The following NRXN3 variants were observed in gnomAD, a reference collection of about 807,000 sequenced individuals.
NRXN3 encodes neurexin 3, also known as neurexin III.
In NRXN3, 32 loss-of-function variants were observed where a neutral mutation model predicts 137.6. That is an observed-to-expected ratio of 0.23 (90% CI 0.18 to 0.31). The LOEUF is 0.31. NRXN3 is among the 10% of genes least tolerant of loss of function. The pLI, the probability that NRXN3 is intolerant of heterozygous loss-of-function variation, is 1.00. For missense variants in NRXN3, 1,574 were observed against 2,062.5 expected (o/e 0.76, Z 4.59); for synonymous variants, 798 against 784.5 (o/e 1.02, Z -0.29).
chr14:79,700,087 A>G (rs17109775), intron 19 of NRXN3, among the ~76,000 whole-genome samples: 9,034 of 152,086 alleles, frequency 0.059, 331 homozygotes, highest in South Asian at 0.15. Context: ...CCTCATCTTC[A>G]AGCCTAGTCT....
chr14:78,511,157 G>GCAACAA (rs894599691), intron 4 of NRXN3, among the ~76,000 whole-genome samples: 2 of 152,004 alleles, frequency 1.3e-5, no homozygotes, highest in Non-Finnish European at 2.9e-5. Context: ...AACAGCAGCA[G>GCAACAA]CAACAACAAC....
intron 4 of NRXN3, among the ~76,000 whole-genome samples, chr14:78,325,339 A>T (rs2079933741): frequency 6.6e-6 from 1 of 151,996 alleles, no homozygotes; most frequent in South Asian, 2.1e-4. Flanking sequence ...TGATAGGGTC[A>T]GAGGCAGAAG....
At chr14:79,794,378 A>G (rs1219182763) in intron 19 of NRXN3, among the ~76,000 whole-genome samples, 2 of 151,732 alleles carry the variant, frequency 1.3e-5, no homozygotes, top group Non-Finnish European at 2.9e-5. Flanking sequence ...ACAAAAACAA[A>G]CAAACAAACA....
intron 15 of NRXN3, among the ~76,000 whole-genome samples, chr14:79,288,187 C>T (rs2082600431): frequency 6.6e-6 from 1 of 152,188 alleles, no homozygotes; most frequent in African/African-American, 2.4e-5. Context: ...ACCAGAGTGG[C>T]ACACTGTGAT....
chr14:78,353,607 T>C (rs922688595), intron 4 of NRXN3, among the ~76,000 whole-genome samples: 2 of 152,116 alleles, frequency 1.3e-5, no homozygotes, highest in Non-Finnish European at 2.9e-5. Context: ...ATTTAGACCC[T>C]GAGAAAAAAC....
chr14:79,203,990 C>G (rs985416241), intron 15 of NRXN3, among the ~76,000 whole-genome samples: 2 of 152,036 alleles, frequency 1.3e-5, no homozygotes, highest in African/African-American at 4.8e-5. Flanking sequence ...GAGCTACCAT[C>G]ATGGCATCAT....
chr14:79,070,735 C>T (rs2099686586), intron 15 of NRXN3, among the ~76,000 whole-genome samples: 1 of 152,130 alleles, frequency 6.6e-6, no homozygotes, highest in Admixed American at 6.6e-5. Context: ...AAACAAAAAT[C>T]AGTTTTAAAT....
chr14:78,453,707 G>A (rs548401936), intron 4 of NRXN3, among the ~76,000 whole-genome samples: 1 of 152,164 alleles, frequency 6.6e-6, no homozygotes, highest in Non-Finnish European at 1.5e-5. Flanking sequence ...GAGGTCATTA[G>A]GGTGGGCCCT....
chr14:78,532,909 C>T (rs1289619524), intron 4 of NRXN3, among the ~76,000 whole-genome samples: 1 of 152,102 alleles, frequency 6.6e-6, no homozygotes, highest in Non-Finnish European at 1.5e-5. Flanking sequence ...CACTATCTAT[C>T]TCAGCTAGCT....
intron 4 of NRXN3, among the ~76,000 whole-genome samples, chr14:78,541,031 C>G (rs2096584332): frequency 6.6e-6 from 1 of 152,146 alleles, no homozygotes; most frequent in Admixed American, 6.5e-5. Context: ...CTCGGCTTTT[C>G]TCTCTGGCTA....
At chr14:78,494,483 G>A (rs1485364956) in intron 4 of NRXN3, among the ~76,000 whole-genome samples, 7 of 142,334 alleles carry the variant, frequency 4.9e-5, no homozygotes, top group Admixed American at 4.7e-4. Flanking sequence ...GGCAAAAAAT[G>A]TCTGAGTCAC....
At chr14:79,488,419 AGT>A (rs1007502997) in intron 16 of NRXN3, among the ~76,000 whole-genome samples, 11 of 152,230 alleles carry the variant, frequency 7.2e-5, no homozygotes, top group African/African-American at 2.6e-4. Context: ...TGGCAACAAG[AGT>A]GTGTGTGTGT....
At chr14:78,558,158 C>T (rs765232803) in intron 4 of NRXN3, among the ~76,000 whole-genome samples, 62 of 152,174 alleles carry the variant, frequency 4.1e-4, no homozygotes, top group Middle Eastern at 3.2e-3. Flanking sequence ...TTATGTTCAC[C>T]AGCCATTCTT....
At chr14:78,283,400 C>T (rs2074692520) in intron 3 of NRXN3, 1 of 152,058 alleles carries the variant, frequency 6.6e-6, no homozygotes, top group Non-Finnish European at 1.5e-5. Context: ...AGAAGATGAA[C>T]AATTTGTAAG....
At chr14:78,370,692 C>A (rs565759759) in intron 4 of NRXN3, among the ~76,000 whole-genome samples, 70 of 152,160 alleles carry the variant, frequency 4.6e-4, no homozygotes, top group African/African-American at 1.6e-3. Flanking sequence ...ATTGTTATTG[C>A]CATACTAAAT....
intron 4 of NRXN3, among the ~76,000 whole-genome samples, chr14:78,482,184 A>G (rs900701179): frequency 5.9e-5 from 9 of 152,214 alleles, no homozygotes; most frequent in African/African-American, 2.2e-4. Context: ...CAAAGCCCAC[A>G]TAGCTGATAT....
At chr14:78,510,875 A>C (rs1326765449) in intron 4 of NRXN3, among the ~76,000 whole-genome samples, 1 of 152,234 alleles carries the variant, frequency 6.6e-6, no homozygotes, top group Non-Finnish European at 1.5e-5. Flanking sequence ...CCAACTTGAC[A>C]TAAAAGCTTG....
At chr14:78,642,302 A>G (rs2097643376) in intron 4 of NRXN3, among the ~76,000 whole-genome samples, 1 of 152,256 alleles carries the variant, frequency 6.6e-6, no homozygotes, top group Admixed American at 6.5e-5. Flanking sequence ...AAATAAGGGC[A>G]TTAAATCAGG....
chr14:78,509,275 G>A (rs909190467), intron 4 of NRXN3, among the ~76,000 whole-genome samples: 3 of 152,066 alleles, frequency 2.0e-5, no homozygotes, highest in African/African-American at 7.2e-5. Flanking sequence ...CTCCAGCCTG[G>A]GCAACAGAGC....
Sources: gnomAD v4.1 joint callset for allele counts (sites outside exome capture counted in the v4.1 genomes callset) on GRCh38, gnomAD v4.1.1 for gene constraint, MANE v1.5 for transcripts, NCBI Gene and HGNC (gene_info 2026-07-23, HGNC 2026-07-21) for gene names.